The following FSTL5 variants were observed in gnomAD, a reference collection of about 807,000 sequenced individuals.
FSTL5 encodes the protein follistatin like 5, also known as follistatin-related protein 5.
Under a neutral mutation model 89.1 loss-of-function variants are expected in FSTL5, and 62 were observed. The ratio of observed to expected loss-of-function variants is 0.70; its 90% CI spans 0.57 to 0.86. The LOEUF (loss-of-function observed/expected upper bound fraction) is 0.86. Ranked by LOEUF, FSTL5 falls within the 40% of genes least tolerant of loss-of-function variation. FSTL5 has a pLI of 0.00. For missense variants in FSTL5, 1,057 were observed against 1,001.6 expected (o/e 1.06, Z -0.75); for synonymous variants, 383 against 346.2 (o/e 1.11, Z -1.18).
intron 11 of FSTL5, among the ~76,000 whole-genome samples, chr4:161,509,252 G>T (rs771086128): frequency 2.0e-5 from 3 of 152,176 alleles, no homozygotes; most frequent in Non-Finnish European, 4.4e-5. Flanking sequence ...GCAGTGCGCC[G>T]AGATCGCGCC....
chr4:161,609,722 C>G (rs567240792), intron 7 of FSTL5, among the ~76,000 whole-genome samples: 7 of 151,964 alleles, frequency 4.6e-5, no homozygotes, highest in African/African-American at 7.3e-5. Context: ...GTATAGCAAG[C>G]AGCATGAGCT....
chr4:161,791,273 G>C (rs996616778), intron 4 of FSTL5, among the ~76,000 whole-genome samples: 4 of 152,016 alleles, frequency 2.6e-5, no homozygotes, highest in Non-Finnish European at 5.9e-5. Flanking sequence ...GAGCAAAAGC[G>C]ATCATTTACA....
intron 6 of FSTL5, among the ~76,000 whole-genome samples, chr4:161,726,223 T>TTTCC (rs1414316689): frequency 1.7e-5 from 1 of 59,902 alleles, no homozygotes; most frequent in Non-Finnish European, 4.1e-5. Context: ...TCTTTTTTCT[T>TTTCC]TTTCTTTTTT....
intron 15 of FSTL5, among the ~76,000 whole-genome samples, chr4:161,402,192 A>C (rs1462530708): frequency 6.6e-6 from 1 of 152,190 alleles, no homozygotes; most frequent in Non-Finnish European, 1.5e-5. Context: ...CACACTTCAG[A>C]TGCATCATTT....
chr4:162,077,529 C>T (rs1303053201), intron 2 of FSTL5, among the ~76,000 whole-genome samples: 1 of 151,788 alleles, frequency 6.6e-6, no homozygotes, highest in East Asian at 1.9e-4. Flanking sequence ...GTGTCAGATC[C>T]AGCATAGCCT....
At chr4:161,794,570 T>C (rs972765043) in intron 4 of FSTL5, among the ~76,000 whole-genome samples, 4 of 152,190 alleles carry the variant, frequency 2.6e-5, no homozygotes, top group Non-Finnish European at 4.4e-5. Flanking sequence ...TGTATACATA[T>C]AGGGACAAAC....
chr4:162,128,454 A>C (rs1286829650), intron 1 of FSTL5, among the ~76,000 whole-genome samples: 3 of 152,186 alleles, frequency 2.0e-5, no homozygotes, highest in Non-Finnish European at 4.4e-5. Context: ...GTTAAGAGTG[A>C]TCCCTTGCCC....
rs1465775723 is a variant in FSTL5, at chr4:161,542,541, T to G, written c.1168A>C (p.Thr390Pro). The G allele has an allele frequency of 2.0e-6, 3 of 1,494,536 alleles. No individual in the cohort carries two copies. Among genetic ancestry groups the G allele is most frequent in the African/African-American group, 1.4e-5 (1 of 70,632 alleles). 92.6% of individuals were successfully genotyped at this position (1,494,536 alleles called of 1,614,324 possible). Residue 390 changes from threonine to proline, a missense_variant, in exon 9 of 16, where the codon ACG becomes CCG. Physicochemically the swap from Thr to Pro is conservative, Grantham distance 38. Transcript: ENST00000306100. ...DITPKLSKQL[T>P]LQANGSEVHI... ...AGCAAGTAAAAAGCACCTTGAAGCGTGAGTTGTTTGGAAAGCTTTGGTGTA... is the reference window on the plus strand; with the variant it reads ...AGCAAGTAAAAAGCACCTTGAAGCGGGAGTTGTTTGGAAAGCTTTGGTGTA...
At chr4:161,805,040 T>C (rs1729917279) in intron 4 of FSTL5, among the ~76,000 whole-genome samples, 1 of 152,122 alleles carries the variant, frequency 6.6e-6, no homozygotes, top group Non-Finnish European at 1.5e-5. Flanking sequence ...TCCTATGTCC[T>C]GTGCCTCAAA....
At chr4:161,941,129 G>A (rs1017304362) in intron 3 of FSTL5, among the ~76,000 whole-genome samples, 2 of 151,638 alleles carry the variant, frequency 1.3e-5, no homozygotes, top group African/African-American at 4.8e-5. Context: ...TTTAAAACTG[G>A]GGGAAGCACT....
At chr4:161,988,178 A>G (rs1295228521) in intron 3 of FSTL5, among the ~76,000 whole-genome samples, 1 of 152,026 alleles carries the variant, frequency 6.6e-6, no homozygotes, top group East Asian at 1.9e-4. Context: ...ATTTAGAAGA[A>G]GTGCAGGAGT....
chr4:161,598,102 T>C (rs566676877), intron 7 of FSTL5, among the ~76,000 whole-genome samples: 5 of 152,152 alleles, frequency 3.3e-5, no homozygotes, highest in Non-Finnish European at 7.3e-5. Flanking sequence ...CTGGGCACAA[T>C]AGCTCATGGC....
intron 8 of FSTL5, among the ~76,000 whole-genome samples, chr4:161,573,384 C>T (rs2126588716): frequency 7.1e-6 from 1 of 140,390 alleles, no homozygotes; most frequent in South Asian, 2.3e-4. Context: ...TCCCTGATTC[C>T]AGCCTAGATG....
chr4:161,574,714 A>G (rs555844654), intron 8 of FSTL5, among the ~76,000 whole-genome samples: 1 of 152,204 alleles, frequency 6.6e-6, no homozygotes, highest in East Asian at 1.9e-4. Context: ...ACAGCTGCAT[A>G]GTATTCCATG....
intron 6 of FSTL5, among the ~76,000 whole-genome samples, chr4:161,688,989 T>C (rs1394102120): frequency 1.3e-5 from 2 of 152,208 alleles, no homozygotes; most frequent in African/African-American, 4.8e-5. Context: ...AACAAATTAC[T>C]TGAAGTCATG....
At chr4:161,681,129 C>T (rs1005165565) in intron 6 of FSTL5, among the ~76,000 whole-genome samples, 1 of 151,896 alleles carries the variant, frequency 6.6e-6, no homozygotes, top group Non-Finnish European at 1.5e-5. Flanking sequence ...AGAAAAATAG[C>T]CTCTGAGTGT....
intron 4 of FSTL5, among the ~76,000 whole-genome samples, chr4:161,824,901 T>C (rs1163865970): frequency 2.6e-5 from 4 of 152,162 alleles, no homozygotes; most frequent in Admixed American, 2.6e-4. Context: ...TCTTGTCTGA[T>C]TGTTCTAGCT....
At chr4:161,554,550 G>A (rs1237310234) in intron 8 of FSTL5, among the ~76,000 whole-genome samples, 2 of 151,510 alleles carry the variant, frequency 1.3e-5, no homozygotes, top group East Asian at 3.9e-4. Context: ...CAAGAGGCAG[G>A]GATCACTGAC....
chr4:161,403,635 T>C (rs1289502969), intron 15 of FSTL5, among the ~76,000 whole-genome samples: 2 of 152,248 alleles, frequency 1.3e-5, no homozygotes, highest in African/African-American at 2.4e-5. Flanking sequence ...AAGAGGGATA[T>C]ATGTATAACC....
Sources: allele counts gnomAD v4.1 joint callset (sites outside exome capture counted in the v4.1 genomes callset), GRCh38; gene constraint gnomAD v4.1.1; transcripts MANE v1.5; gene names NCBI Gene and HGNC (gene_info 2026-07-23, HGNC 2026-07-21).